Variants in CNTN6 observed in about 807,000 individuals in gnomAD.
CNTN6 encodes the protein contactin 6.
In CNTN6, 137 loss-of-function variants were observed where a neutral mutation model predicts 122.8. The ratio of observed to expected loss-of-function variants is 1.12; its 90% confidence interval spans 0.97 to 1.29. CNTN6 has a LOEUF of 1.29. CNTN6 is among the 50% of genes most tolerant of loss of function. The pLI is 0.00. For missense variants in CNTN6, 1,634 were observed against 1,223.4 expected (o/e 1.34, Z -5.01); for synonymous variants, 570 against 426.0 (o/e 1.34, Z -4.16).
intron 10 of CNTN6, among the ~76,000 whole-genome samples, chr3:1,328,780 TTC>T: frequency 1.3e-5 from 2 of 151,584 alleles, no homozygotes; most frequent in Non-Finnish European, 3.0e-5. Context: ...AGAACTTCAG[TTC>T]ACTTGAGCTT....
intron 11 of CNTN6, among the ~76,000 whole-genome samples, chr3:1,339,673 G>A (rs1183995964): frequency 3.9e-5 from 6 of 152,098 alleles, no homozygotes; most frequent in Non-Finnish European, 8.8e-5. Context: ...CTGTCTTACT[G>A]TATATTTGGT....
intron 5 of CNTN6, among the ~76,000 whole-genome samples, chr3:1,291,543 G>A (rs1695328736): frequency 6.6e-6 from 1 of 152,202 alleles, no homozygotes; most frequent in African/African-American, 2.4e-5. Flanking sequence ...CATTGAATAA[G>A]GATCCGTAAG....
chr3:1,295,483 A>T (rs1159422768), intron 5 of CNTN6, 118 bp from the exon 6 acceptor site: 1 of 764,966 alleles, frequency 1.3e-6, no homozygotes, highest in Non-Finnish European at 2.1e-6. Context: ...AACTGAGCAA[A>T]TAGAGGCACA....
chr3:1,383,096 T>G lies in CNTN6; in HGVS notation c.2321T>G (p.Phe774Cys). The G allele has an allele frequency of 6.2e-7, 1 of 1,614,032 alleles. No homozygotes were observed. The highest frequency in any genetic ancestry group is 8.5e-7 in the Non-Finnish European group (1 of 1,179,926). Residue 774 changes from phenylalanine to cysteine, a missense_variant, in exon 18 of 23, where the codon TTT (phenylalanine) becomes TGT (cysteine). Transcript: ENST00000446702. Reference sequence around the variant, plus strand: ...GAAAGCATCATCCCACTGTCTCCCTTTGAAGTCAAAGTGGGTGTGTATAAT... The same window carrying G: ...GAAAGCATCATCCCACTGTCTCCCTGTGAAGTCAAAGTGGGTGTGTATAAT... ...RNESIIPLSPFEVKVGVYNNE... is the reference protein window; with the variant it reads ...RNESIIPLSPCEVKVGVYNNE...
intron 1 of CNTN6, among the ~76,000 whole-genome samples, chr3:1,119,141 A>G (rs2091849656): frequency 6.6e-6 from 1 of 151,846 alleles, no homozygotes; most frequent in Non-Finnish European, 1.5e-5. Flanking sequence ...CTTCGAGACA[A>G]TTTGAGTCTG....
intron 2 of CNTN6, among the ~76,000 whole-genome samples, chr3:1,210,027 T>C (rs1292968814): frequency 1.3e-5 from 2 of 152,196 alleles, no homozygotes; most frequent in Non-Finnish European, 2.9e-5. Flanking sequence ...CTTTATCATC[T>C]TTATTTTTGA....
intron 4 of CNTN6, among the ~76,000 whole-genome samples, chr3:1,247,961 C>A (rs576243907): frequency 6.6e-6 from 1 of 152,094 alleles, no homozygotes; most frequent in Non-Finnish European, 1.5e-5. Flanking sequence ...TCAATAGATT[C>A]TCTAAAATGC....
intron 12 of CNTN6, among the ~76,000 whole-genome samples, chr3:1,367,549 A>G (rs1708411701): frequency 6.6e-6 from 1 of 151,834 alleles, no homozygotes; most frequent in African/African-American, 2.4e-5. Context: ...ACAAATTGAG[A>G]GGTAAAATGA....
intron 5 of CNTN6, among the ~76,000 whole-genome samples, chr3:1,289,300 C>A (rs541020439): frequency 1.3e-5 from 2 of 152,106 alleles, no homozygotes; most frequent in Admixed American, 6.5e-5. Flanking sequence ...GAGGAGCCAG[C>A]CCATGGGGAG....
At chr3:1,280,854 G>A (rs1693283190) in intron 5 of CNTN6, among the ~76,000 whole-genome samples, 2 of 152,108 alleles carry the variant, frequency 1.3e-5, no homozygotes, top group African/African-American at 4.8e-5. Context: ...TAAGGTCCCT[G>A]TTTCCTTGAT....
At chr3:1,179,519 T>G (rs2173499) in intron 2 of CNTN6, among the ~76,000 whole-genome samples, 88,355 of 151,930 alleles carry the variant, frequency 0.58, 26,366 homozygotes, top group East Asian at 0.71. Flanking sequence ...CGTGTTCCAG[T>G]GTTTCCCACA....
intron 1 of CNTN6, among the ~76,000 whole-genome samples, chr3:1,101,560 A>T (rs2124957969): frequency 6.6e-6 from 1 of 152,212 alleles, no homozygotes; most frequent in African/African-American, 2.4e-5. Flanking sequence ...TTTTATTTTT[A>T]TCAGGTACTC....
intron 11 of CNTN6, among the ~76,000 whole-genome samples, chr3:1,350,130 T>C (rs140710018): frequency 0.027 from 4,081 of 151,944 alleles, 64 homozygotes; most frequent in Non-Finnish European, 0.037. Flanking sequence ...AGTTTAATAG[T>C]AAATAGATCA....
chr3:1,093,525 G>A (rs1026479222), intron 1 of CNTN6, among the ~76,000 whole-genome samples: 1 of 146,794 alleles, frequency 6.8e-6, no homozygotes, highest in Non-Finnish European at 1.5e-5. Flanking sequence ...AATGTTTTTT[G>A]TCTTTTTTTT....
chr3:1,267,188 T>C (rs538824088), intron 4 of CNTN6, among the ~76,000 whole-genome samples: 1 of 152,200 alleles, frequency 6.6e-6, no homozygotes, highest in Admixed American at 6.5e-5. Context: ...GTTTGCTTGC[T>C]CTTGGATAAA....
chr3:1,333,883 T>A (rs1702673883), intron 11 of CNTN6, among the ~76,000 whole-genome samples: 1 of 152,170 alleles, frequency 6.6e-6, no homozygotes, highest in African/African-American at 2.4e-5. Context: ...TTTTCCTCTC[T>A]ATGGATAATG....
chr3:1,132,581 C>A (rs1225975749), intron 1 of CNTN6, among the ~76,000 whole-genome samples: 1 of 151,636 alleles, frequency 6.6e-6, no homozygotes, highest in Non-Finnish European at 1.5e-5. Flanking sequence ...CATTTGAACC[C>A]AGGGGTTCAA....
At chr3:1,353,541 A>G (rs886569505) in intron 12 of CNTN6, among the ~76,000 whole-genome samples, 1 of 151,634 alleles carries the variant, frequency 6.6e-6, no homozygotes, top group Non-Finnish European at 1.5e-5. Context: ...CTTCCTTAAG[A>G]TTGTATTGTC....
Position 1,159,180 on chromosome 3 carries a change from TG to T in CNTN6, c.55+11122del, listed in dbSNP as rs758468158. On this transcript the variant is annotated intron_variant, in intron 2 of 22. Transcript: ENST00000446702. ...TCAAATTACCGCCTAATTACCATAGTGGGGGCTTATTCATGGAGGATATGTG... is the reference window on the plus strand; with the variant it reads ...TCAAATTACCGCCTAATTACCATAGTGGGGCTTATTCATGGAGGATATGTG... 1.4e-4 allele frequency among the ~76,000 whole-genome samples: 21 copies of T among 151,962 alleles called. 1 individual carries two copies. The East Asian group carries it at 3.7e-3, about 27-fold the overall frequency.
Sources: allele counts gnomAD v4.1 joint callset (sites outside exome capture counted in the v4.1 genomes callset), GRCh38; gene constraint gnomAD v4.1.1; transcripts MANE v1.5; gene names NCBI Gene and HGNC (gene_info 2026-07-23, HGNC 2026-07-21).